LRP1: variants seen among roughly 807,000 people sequenced by gnomAD.
LRP1 encodes the protein prolow-density lipoprotein receptor-related protein 1.
Under a neutral mutation model 541.5 loss-of-function variants are expected in LRP1, and 51 were observed. That is an observed-to-expected ratio of 0.09 (90% CI 0.08 to 0.12). The LOEUF is 0.12. Among genes scored for constraint, LRP1 ranks in the 10% least tolerant of loss-of-function variants. LRP1 has a pLI of 1.00. For synonymous variants in LRP1, 2,219 were observed against 2,470.8 expected (o/e 0.90, Z 3.02); for missense variants, 3,878 against 6,376.2 (o/e 0.61, Z 13.34).
At chr12:57,180,277 C>T (rs752137828) in intron 31 of LRP1, 53 bp from the exon 32 acceptor site, 1 of 1,606,306 alleles carries the variant, frequency 6.2e-7, no homozygotes, top group South Asian at 1.1e-5. Context: ...GCTCCCTTCC[C>T]TGGATCCCCA....
At chr12:57,195,232 C>T (rs1379542349) in intron 51 of LRP1, 39 bp from the exon 52 acceptor site, 11 of 1,607,356 alleles carry the variant, frequency 6.8e-6, no homozygotes, top group East Asian at 2.2e-5. Context: ...CTGATCTACC[C>T]GCTCCTAAGT....
chr12:57,174,849 C>T (rs563595295), intron 22 of LRP1, among the ~76,000 whole-genome samples: 41 of 152,226 alleles, frequency 2.7e-4, no homozygotes, highest in African/African-American at 9.2e-4. Flanking sequence ...TCAGGGAGGA[C>T]CATGTGGTGT....
In LRP1 at chr12:57,162,764, T is replaced by C; in HGVS notation, c.2405-94T>C. ...TTCCTCTCCATATTTCCTCTTTCTG[T>C]CCCCACATCTTAATGTGTCTCCTCC... On this transcript the variant is annotated intron_variant, in intron 14 of 88. Transcript: ENST00000243077. The surrounding 1 kb of genome is among the most constrained non-coding windows in gnomAD (Gnocchi z 5.2). 7.3e-7 allele frequency: 1 copy of C among 1,370,204 alleles called. No homozygotes were observed. The allele number at this position is 1,370,204 out of a possible 1,614,324, so 84.9% of individuals were successfully genotyped here.
At chr12:57,149,317 G>T (rs1670564399) in intron 6 of LRP1, 4 of 444,770 alleles carry the variant, frequency 9.0e-6, no homozygotes, top group Admixed American at 7.8e-5. Flanking sequence ...TCCCATTCCT[G>T]TTCTGAGTTT....
Position 57,205,294 on chromosome 12 carries a change from G to T in LRP1, c.11335+45G>T. Reference sequence around the variant, plus strand: ...CGGACGCTGGTGGGGAGTGGGGAGAGCCAAGCCCTGGCCTGGGGTGGCTCA... The same window carrying T: ...CGGACGCTGGTGGGGAGTGGGGAGATCCAAGCCCTGGCCTGGGGTGGCTCA... On this transcript the variant is annotated intron_variant, in intron 73 of 88. Transcript: ENST00000243077. The surrounding 1 kb of genome is among the most constrained non-coding windows in gnomAD (Gnocchi z 4.6). The T allele has an allele frequency of 6.3e-7, 1 of 1,594,638 alleles. No homozygotes were observed.
chr12:57,192,243 A>C (rs1349729265), intron 44 of LRP1, among the ~76,000 whole-genome samples: 1 of 151,956 alleles, frequency 6.6e-6, no homozygotes, highest in Non-Finnish European at 1.5e-5. Context: ...TGGAACCGCA[A>C]AACCCCCAGT....
Position 57,209,091 on chromosome 12 carries a change from G to A in LRP1, c.12154G>A (p.Val4052Met), listed in dbSNP as rs548671555. The stretch of plus-strand genomic sequence containing the variant: ...GCTCTCTCTCTCCCCAGGCCTGGCC[G>A]TGGATTATCACAATGAGCGGCTGTA... ...DNIQWPTGLA[V>M]DYHNERLYWA... The change falls in exon 79 of 89, where the codon GTG becomes ATG. Residue 4052 changes from valine to methionine, a missense_variant. Val to Met is a conservative substitution (Grantham distance 21). Coordinates refer to ENST00000243077, the MANE Select transcript of LRP1 (RefSeq NM_002332.3). 2.5e-5 allele frequency: 41 copies of A among 1,612,614 alleles called. No homozygotes were observed. The highest frequency in any genetic ancestry group is 1.5e-4 in the Admixed American group (9 of 59,970).
rs772863404 is a variant in LRP1, at chr12:57,178,887, C to T, written c.4607-3C>T. ...CTTCTTCTCTTCTCCACCCTGCCCC[C>T]AGCTCCCAATCCCTGTGAGGCCAAT... On this transcript the variant is annotated splice_region_variant and splice_polypyrimidine_tract_variant and intron_variant, in intron 27 of 88. Coordinates refer to ENST00000243077, the MANE Select transcript of LRP1 (RefSeq NM_002332.3). The surrounding 1 kb of genome is among the most constrained non-coding windows in gnomAD (Gnocchi z 5.8). The T allele has an allele frequency of 3.7e-6, 6 of 1,610,880 alleles. No individual in the cohort carries two copies. In the African/African-American group the frequency reaches 5.3e-5, roughly 14 times the overall value.
rs1026174284 is a variant in LRP1 at position 57,179,624 on chromosome 12, T to G, written c.4966+68T>G. On this transcript the variant is annotated intron_variant, in intron 29 of 88. Coordinates refer to ENST00000243077, the MANE Select transcript of LRP1 (RefSeq NM_002332.3). The surrounding 1 kb of genome is among the most constrained non-coding windows in gnomAD (Gnocchi z 6.8). ...TCCACCCGCCCCTTGCTCCCAACCC[T>G]GGTCTACTTGGTCCGAGTGGTCCTT... 9 of 1,476,920 alleles carry G rather than the reference T, an allele frequency of 6.1e-6. No individual in the cohort carries two copies. In the African/African-American group the frequency reaches 1.1e-4, roughly 18 times the overall value. The allele number at this position is 1,476,920 out of a possible 1,614,324, so 91.5% of individuals were successfully genotyped here. A position where few individuals can be genotyped will look rare whatever the true frequency, so the allele number is the denominator to read the frequency against.
At chr12:57,194,210 G>GA in intron 48 of LRP1, 144 bp from the exon 49 acceptor site, 1 of 1,075,252 alleles carries the variant, frequency 9.3e-7, no homozygotes, top group Non-Finnish European at 1.3e-6. Context: ...AGGGGGCAGT[G>GA]AGCAGATGGT....
chr12:57,207,526 G>A (rs1307384172), intron 76 of LRP1, among the ~76,000 whole-genome samples: 49 of 42,416 alleles, frequency 1.2e-3, no homozygotes, highest in Admixed American at 4.5e-3. Flanking sequence ...GCGAGACTCC[G>A]TCTCAAAAAA....
At chr12:57,167,875 C>T (rs994905587) in intron 19 of LRP1, among the ~76,000 whole-genome samples, 1 of 152,234 alleles carries the variant, frequency 6.6e-6, no homozygotes, top group Non-Finnish European at 1.5e-5. Context: ...ACCCCCATTT[C>T]CTGGAGTCCT....
chr12:57,203,454 G>A lies in LRP1; in HGVS notation c.10884G>A (p.Leu3628=). 1 of 1,600,490 alleles carries A rather than the reference G, an allele frequency of 6.2e-7. No homozygotes were observed. Among genetic ancestry groups the A allele is most frequent in the South Asian group, 1.1e-5 (1 of 88,988 alleles). The stretch of plus-strand genomic sequence containing the variant: ...GCAAGAGCGGCCACTGCATCCCCCT[G>A]CGCTGGCGCTGTGACGCAGACGCCG... The part of the protein sequence containing the change: ...FQCKSGHCIP[L]RWRCDADADC... Residue 3628 remains leucine, a synonymous_variant, in exon 70 of 89, where the codon CTG becomes CTA. Transcript: ENST00000243077.
chr12:57,143,041 C>T (rs1249580120), intron 3 of LRP1, among the ~76,000 whole-genome samples: 2 of 152,138 alleles, frequency 1.3e-5, no homozygotes, highest in East Asian at 3.8e-4. Flanking sequence ...GGCAACTGCT[C>T]TCCCACCTCT....
At chr12:57,139,894 A>G (rs766396210) in intron 2 of LRP1, among the ~76,000 whole-genome samples, 4 of 152,182 alleles carry the variant, frequency 2.6e-5, no homozygotes, top group Non-Finnish European at 5.9e-5. Flanking sequence ...ACACACAGAT[A>G]CACTCTCACT....
rs2036216214 is a variant in LRP1 at position 57,183,865 on chromosome 12, A to G, written c.5885A>G (p.Asn1962Ser). The change falls in exon 36 of 89, where the codon AAT becomes AGT. Residue 1962 changes from asparagine to serine, a missense_variant. Asn to Ser is a conservative substitution (Grantham distance 46, BLOSUM62 1). This residue lies in a region of LRP1 where 394 missense variants were observed against 635.9 expected (regional missense o/e 0.62). Transcript: ENST00000243077. This position sits in a 1 kb window ranked among gnomAD's most constrained non-coding sequence, Gnocchi z 6.1. ...DQTWREDVVT[N>S]GIGRVEGIAV... ...ACGTGGCGTGAAGACGTGGTGACCAATGGCATTGGCCGTGTGGAGGGCATT... is the reference window on the plus strand; with the variant it reads ...ACGTGGCGTGAAGACGTGGTGACCAGTGGCATTGGCCGTGTGGAGGGCATT... 6.2e-7 allele frequency: 1 copy of G among 1,614,172 alleles called. No homozygotes were observed. The highest frequency in any genetic ancestry group is 1.1e-5 in the South Asian group (1 of 91,086).
At chr12:57,131,416 G>A (rs1244038581) in intron 1 of LRP1, among the ~76,000 whole-genome samples, 1 of 152,084 alleles carries the variant, frequency 6.6e-6, no homozygotes, top group Admixed American at 6.6e-5. Context: ...TAGTGGGGAG[G>A]GCACCCCCAG....
At chr12:57,200,225 C>A in intron 62 of LRP1, 200 bp downstream of exon 62, 1 of 636,212 alleles carries the variant, frequency 1.6e-6, no homozygotes, top group Non-Finnish European at 2.8e-6. Context: ...CCTCCACACC[C>A]TAACCTTGAC....
At chr12:57,141,235 C>T (rs1208621836) in intron 2 of LRP1, 139 bp from the exon 3 acceptor site, 3 of 884,884 alleles carry the variant, frequency 3.4e-6, no homozygotes, top group Non-Finnish European at 5.1e-6. Flanking sequence ...AAAAGAGTTC[C>T]AGGTGGAAGA....
Sources: allele counts gnomAD v4.1 joint callset (sites outside exome capture counted in the v4.1 genomes callset), GRCh38; gene constraint gnomAD v4.1.1; regional missense constraint gnomAD v4.1.1; non-coding constraint Gnocchi (gnomAD v3.1); transcripts MANE v1.5; gene names NCBI Gene and HGNC (gene_info 2026-07-23, HGNC 2026-07-21).